TSG101: variants seen among roughly 807,000 people sequenced by gnomAD.
TSG101 encodes the protein tumor susceptibility 101.
Under a neutral mutation model 48.5 loss-of-function variants are expected in TSG101, and 19 were observed. The ratio of observed to expected loss-of-function variants is 0.39; its 90% CI spans 0.27 to 0.58. The LOEUF (loss-of-function observed/expected upper bound fraction) is 0.58, where lower values mean the gene tolerates loss of function less well. Ranked by LOEUF, TSG101 falls within the 20% of genes least tolerant of loss-of-function variation. The pLI is 0.55. For missense variants in TSG101, 365 were observed against 484.4 expected (o/e 0.75, Z 2.31); for synonymous variants, 174 against 169.4 (o/e 1.03, Z -0.21).
intron 7 of TSG101, among the ~76,000 whole-genome samples, chr11:18,488,789 A>G (rs1178084301): frequency 6.6e-6 from 1 of 152,144 alleles, no homozygotes; most frequent in Non-Finnish European, 1.5e-5. Flanking sequence ...AAGGACAGAA[A>G]TTTAGAGAGG....
rs947228021 is a variant in TSG101, at chr11:18,480,463, A to G, written c.*83T>C. 11 of 1,036,708 alleles carry G rather than the reference A, an allele frequency of 1.1e-5. No individual in the cohort carries two copies. The African/African-American group carries it at 1.5e-4, about 14-fold the overall frequency. The allele number at this position is 1,036,708 out of a possible 1,614,324, so 64.2% of individuals were successfully genotyped here. A position where few individuals can be genotyped will look rare whatever the true frequency, so the allele number is the denominator to read the frequency against. ...TTTTACACTTGAATGATAAACTGCA[A>G]TAACTTATTCTGGGCACCTACTGAT... On this transcript the variant is annotated 3_prime_UTR_variant, in exon 10 of 10. Coordinates refer to ENST00000251968, the MANE Select transcript of TSG101 (RefSeq NM_006292.4).
chr11:18,516,003 CTGAGAAAGTAGGTTTAATT>C, intron 3 of TSG101, 77 bp downstream of exon 3: 1 of 1,074,806 alleles, frequency 9.3e-7, no homozygotes, highest in Non-Finnish European at 1.3e-6. Flanking sequence ...CATCAAAGCC[CTGAGAAAGTAGGTTTAATT>C]TGGTTATAAC....
At chr11:18,496,584 G>A (rs997435776) in intron 7 of TSG101, among the ~76,000 whole-genome samples, 6 of 152,104 alleles carry the variant, frequency 3.9e-5, no homozygotes, top group Admixed American at 3.3e-4. Flanking sequence ...TGTAATCCGG[G>A]AGGCCAGCAC....
chr11:18,507,605 A>G (rs1055812132), intron 5 of TSG101: 1 of 152,088 alleles, frequency 6.6e-6, no homozygotes, highest in Non-Finnish European at 1.5e-5. Flanking sequence ...GAGGCTAATC[A>G]ACATAGAGGA....
At position 18,516,085 on chromosome 11, in the gene TSG101, A is replaced by G; in HGVS notation, c.193+14T>C. The G allele has an allele frequency of 6.2e-7, 1 of 1,611,138 alleles. No individual in the cohort carries two copies. The highest frequency in any genetic ancestry group is 8.5e-7 in the Non-Finnish European group (1 of 1,178,070). Reference sequence around the variant, plus strand: ...CAAAATGCATCTATGCTGGAAACCTAATAAGACATTTACCTCTATAAGGCA... The same window carrying G: ...CAAAATGCATCTATGCTGGAAACCTGATAAGACATTTACCTCTATAAGGCA... On this transcript the variant is annotated intron_variant, in intron 3 of 9. Coordinates refer to ENST00000251968, the MANE Select transcript of TSG101 (RefSeq NM_006292.4).
chr11:18,518,771 C>G (rs543394330), intron 2 of TSG101, among the ~76,000 whole-genome samples: 2 of 151,754 alleles, frequency 1.3e-5, no homozygotes, highest in Admixed American at 6.6e-5. Context: ...TATTCTTGCT[C>G]GTCTCGGTGA....
intron 1 of TSG101, 24 bp downstream of exon 1, chr11:18,526,751 G>A (rs970361817): frequency 3.1e-6 from 5 of 1,598,602 alleles, no homozygotes; most frequent in Non-Finnish European, 4.2e-6. Context: ...CGCGCCCTGG[G>A]AGGCGAGCGC....
At chr11:18,525,192 A>T (rs1221794902) in intron 1 of TSG101, among the ~76,000 whole-genome samples, 1 of 152,172 alleles carries the variant, frequency 6.6e-6, no homozygotes, top group Non-Finnish European at 1.5e-5. Flanking sequence ...TACAGGCGTA[A>T]GCCACTGCGC....
chr11:18,488,763 AAAAG>A (rs995923046), intron 7 of TSG101, among the ~76,000 whole-genome samples: 2 of 152,078 alleles, frequency 1.3e-5, no homozygotes, highest in African/African-American at 4.8e-5. Context: ...AAAAAGCAAA[AAAAG>A]GAAGGAAGCA....
At chr11:18,483,807 T>TAG (rs1849581147) in intron 8 of TSG101, 63 bp downstream of exon 8, 1 of 1,563,300 alleles carries the variant, frequency 6.4e-7, no homozygotes, top group Admixed American at 1.7e-5. Context: ...AGGGAACATA[T>TAG]AGAACACTCT....
At chr11:18,520,793 G>A (rs897398287) in intron 1 of TSG101, among the ~76,000 whole-genome samples, 7 of 152,096 alleles carry the variant, frequency 4.6e-5, no homozygotes, top group Non-Finnish European at 8.8e-5. Flanking sequence ...AGCATTTTGG[G>A]AGGCCGAGGC....
At chr11:18,488,031 T>C (rs188039912) in intron 7 of TSG101, among the ~76,000 whole-genome samples, 1 of 152,234 alleles carries the variant, frequency 6.6e-6, no homozygotes, top group Non-Finnish European at 1.5e-5. Context: ...TTTTCTTTTT[T>C]GCTATACTAT....
rs1849508532 is a variant in TSG101, at chr11:18,480,336, TC to T, written c.*209del. 1 of 379,956 alleles carries T rather than the reference TC, an allele frequency of 2.6e-6. No individual in the cohort carries two copies. The highest frequency in any genetic ancestry group is 4.7e-6 in the Non-Finnish European group (1 of 211,292). 23.5% of individuals were successfully genotyped at this position (379,956 alleles called of 1,614,324 possible). A position where few individuals can be genotyped will look rare whatever the true frequency, so the allele number is the denominator to read the frequency against. On this transcript the variant is annotated 3_prime_UTR_variant, in exon 10 of 10. Coordinates refer to ENST00000251968, the MANE Select transcript of TSG101 (RefSeq NM_006292.4). Reference sequence around the variant, plus strand: ...TTATGCAACAAATTTTATTTAGCAGTCCCAACATTCAGCACAAAAAGTTTAC... The same window carrying T: ...TTATGCAACAAATTTTATTTAGCAGTCCAACATTCAGCACAAAAAGTTTAC...
intron 7 of TSG101, among the ~76,000 whole-genome samples, chr11:18,487,125 G>T (rs187269467): frequency 2.6e-5 from 3 of 116,228 alleles, no homozygotes; most frequent in Non-Finnish European, 5.1e-5. Context: ...GTTGTGGGGT[G>T]GGGGGAGGGA....
intron 7 of TSG101, among the ~76,000 whole-genome samples, chr11:18,498,694 C>T (rs949939990): frequency 6.6e-6 from 1 of 152,030 alleles, no homozygotes; most frequent in Non-Finnish European, 1.5e-5. Context: ...AGGTCAGAGA[C>T]ATAAATTTGA....
In TSG101 at chr11:18,526,724, CG is replaced by C. The variant is rs1389419735; in HGVS notation, c.42+50del. The stretch of plus-strand genomic sequence containing the variant: ...GGGCCGGGACGGACTCGACAGGGCG[CG>C]GAAGGGAGCGGTGGGCGCGCCCTGG... On this transcript the variant is annotated intron_variant, in intron 1 of 9. Coordinates refer to ENST00000251968, the MANE Select transcript of TSG101 (RefSeq NM_006292.4). The C allele has an allele frequency of 4.4e-6, 7 of 1,582,534 alleles. No homozygotes were observed. The South Asian group carries it at 7.9e-5, about 18-fold the overall frequency.
intron 1 of TSG101, chr11:18,525,540 TAAAA>T (rs756622322): frequency 9.3e-4 from 103 of 110,188 alleles, no homozygotes; most frequent in South Asian, 1.9e-3. Context: ...AGCAAGACTC[TAAAA>T]AAAAAAAAAA....
intron 7 of TSG101, among the ~76,000 whole-genome samples, chr11:18,498,493 CAA>C (rs765807675): frequency 3.3e-4 from 50 of 152,032 alleles, no homozygotes; most frequent in Non-Finnish European, 5.6e-4. Context: ...ATTTTGAAGA[CAA>C]GAGGATTTCC....
chr11:18,489,530 AC>A (rs1329942669), intron 7 of TSG101, among the ~76,000 whole-genome samples: 1 of 152,256 alleles, frequency 6.6e-6, no homozygotes, highest in East Asian at 1.9e-4. Flanking sequence ...CAAATTGGTA[AC>A]AAAGTGAACA....
Sources: gnomAD v4.1 joint callset for allele counts (sites outside exome capture counted in the v4.1 genomes callset) on GRCh38, gnomAD v4.1.1 for gene constraint, MANE v1.5 for transcripts, NCBI Gene and HGNC (gene_info 2026-07-23, HGNC 2026-07-21) for gene names.